The following NPAS3 variants were observed in gnomAD, a reference collection of about 807,000 sequenced individuals.
NPAS3 encodes neuronal PAS domain protein 3, also known as neuronal PAS domain-containing protein 3.
A neutral mutation model predicts 73.1 loss-of-function variants in NPAS3; 14 were observed. The observed-to-expected ratio is 0.19, with a 90% CI of 0.13 to 0.30. The LOEUF (loss-of-function observed/expected upper bound fraction) is 0.30, where lower values mean the gene tolerates loss of function less well. Ranked by LOEUF, NPAS3 falls within the 10% of genes least tolerant of loss-of-function variation. NPAS3 has a pLI of 1.00. For missense variants in NPAS3, 1,096 were observed against 1,250.0 expected (o/e 0.88, Z 1.86); for synonymous variants, 620 against 541.5 (o/e 1.14, Z -2.01).
At chr14:33,568,999 A>G (rs1314816479) in intron 5 of NPAS3, among the ~76,000 whole-genome samples, 4 of 152,214 alleles carry the variant, frequency 2.6e-5, no homozygotes, top group Non-Finnish European at 5.9e-5. Flanking sequence ...TTGTGTGAAT[A>G]TGTGTTTATT....
At chr14:33,139,240 T>TC (rs1267166425) in intron 2 of NPAS3, among the ~76,000 whole-genome samples, 2 of 152,204 alleles carry the variant, frequency 1.3e-5, no homozygotes, top group Non-Finnish European at 2.9e-5. Context: ...TTGAGACTGT[T>TC]CACATGTTAC....
chr14:33,644,593 CATACA>C (rs2058769073), intron 5 of NPAS3, among the ~76,000 whole-genome samples: 1 of 152,110 alleles, frequency 6.6e-6, no homozygotes, highest in Non-Finnish European at 1.5e-5. Flanking sequence ...ATCTTTATTT[CATACA>C]TGAGGACACT....
At chr14:33,298,767 G>T (rs577437164) in intron 3 of NPAS3, among the ~76,000 whole-genome samples, 1 of 152,074 alleles carries the variant, frequency 6.6e-6, no homozygotes, top group East Asian at 1.9e-4. Context: ...TCTTTTCCAC[G>T]TAAATAACAA....
chr14:33,582,134 A>G (rs1054166798), intron 5 of NPAS3: 10 of 152,370 alleles, frequency 6.6e-5, no homozygotes, highest in Non-Finnish European at 1.3e-4. Context: ...AGGGATTGTC[A>G]TACATTTGGA....
intron 4 of NPAS3, among the ~76,000 whole-genome samples, chr14:33,492,163 C>A (rs2051929788): frequency 6.6e-6 from 1 of 152,100 alleles, no homozygotes; most frequent in Admixed American, 6.6e-5. Flanking sequence ...TGTGTAACCC[C>A]ATTAACATTA....
intron 5 of NPAS3, among the ~76,000 whole-genome samples, chr14:33,638,010 G>A (rs1159083100): frequency 3.3e-5 from 5 of 151,996 alleles, no homozygotes; most frequent in Non-Finnish European, 5.9e-5. Context: ...TAGGGTTAGC[G>A]GATTATTTGA....
At chr14:33,023,049 C>T (rs986029577) in intron 1 of NPAS3, among the ~76,000 whole-genome samples, 4 of 152,034 alleles carry the variant, frequency 2.6e-5, no homozygotes, top group Middle Eastern at 3.4e-3. Flanking sequence ...GACATCTGTA[C>T]TCTTCTAAGC....
intron 2 of NPAS3, among the ~76,000 whole-genome samples, chr14:33,108,531 T>C (rs897556009): frequency 3.9e-5 from 6 of 152,182 alleles, no homozygotes; most frequent in Non-Finnish European, 7.3e-5. Flanking sequence ...AAATGAACTA[T>C]TGAATTATGA....
At chr14:32,969,335 G>A (rs2037324432) in intron 1 of NPAS3, among the ~76,000 whole-genome samples, 1 of 152,148 alleles carries the variant, frequency 6.6e-6, no homozygotes, top group African/African-American at 2.4e-5. Context: ...TGCGGTGTGG[G>A]TGGGGAGTGG....
rs59212032 is a variant in NPAS3 at position 33,335,043 on chromosome 14, CGT to C, written c.386-32116_386-32115del. ...AGTGGTATTCCATTGTGTGTGTGTG[CGT>C]GTGTGTGTGTGTGTGTGTGTGTGTG... is the stretch of plus-strand genomic sequence containing the variant. On this transcript the variant is annotated intron_variant, in intron 3 of 11. Transcript: ENST00000356141. Among the ~76,000 whole-genome samples the C allele has an allele frequency of 2.0e-3, 287 of 147,016 alleles. 1 individual carries two copies. The highest frequency in any genetic ancestry group is 6.9e-3 in the Middle Eastern group (2 of 288).
intron 3 of NPAS3, among the ~76,000 whole-genome samples, chr14:33,215,778 G>A (rs2047201867): frequency 6.6e-6 from 1 of 152,120 alleles, no homozygotes; most frequent in African/African-American, 2.4e-5. Flanking sequence ...ATTTGTTAAA[G>A]CATAGAGCTG....
At chr14:33,769,750 TTTTTTC>T (rs2062583410) in intron 7 of NPAS3, among the ~76,000 whole-genome samples, 8 of 127,000 alleles carry the variant, frequency 6.3e-5, no homozygotes, top group South Asian at 5.1e-4. Context: ...CTTGGATTTT[TTTTTTC>T]TTTTTTTTTT....
chr14:33,777,562 A>T (rs1157114234), intron 8 of NPAS3, among the ~76,000 whole-genome samples: 2 of 105,138 alleles, frequency 1.9e-5, no homozygotes, highest in Non-Finnish European at 4.2e-5. Context: ...GTAAGTCATA[A>T]AAAAAAAAAA....
At chr14:33,402,863 A>G (rs749756204) in intron 4 of NPAS3, among the ~76,000 whole-genome samples, 2 of 152,152 alleles carry the variant, frequency 1.3e-5, no homozygotes, top group African/African-American at 2.4e-5. Context: ...GACAAGGACT[A>G]CTAAGCATTT....
intron 6 of NPAS3, among the ~76,000 whole-genome samples, chr14:33,699,785 A>C (rs1218560342): frequency 6.6e-6 from 1 of 152,166 alleles, no homozygotes; most frequent in Non-Finnish European, 1.5e-5. Flanking sequence ...TGCAAGCAGC[A>C]GCTGAGCAGT....
At chr14:33,323,790 T>G (rs760243886) in intron 3 of NPAS3, among the ~76,000 whole-genome samples, 2 of 152,246 alleles carry the variant, frequency 1.3e-5, no homozygotes, top group Non-Finnish European at 2.9e-5. Flanking sequence ...CATCATTTAG[T>G]AAAATTAAAA....
At chr14:33,125,039 A>G (rs2043375035) in intron 2 of NPAS3, among the ~76,000 whole-genome samples, 1 of 152,092 alleles carries the variant, frequency 6.6e-6, no homozygotes, top group African/African-American at 2.4e-5. Context: ...GAAAGTACTT[A>G]AAGGATGGAG....
intron 4 of NPAS3, among the ~76,000 whole-genome samples, chr14:33,458,579 A>C (rs1422295493): frequency 6.6e-6 from 1 of 152,232 alleles, no homozygotes; most frequent in African/African-American, 2.4e-5. Flanking sequence ...TAACATTAGC[A>C]TGTTAATTGT....
intron 4 of NPAS3, among the ~76,000 whole-genome samples, chr14:33,368,486 T>C (rs1191579674): frequency 3.3e-5 from 5 of 152,040 alleles, no homozygotes; most frequent in Non-Finnish European, 7.4e-5. Context: ...GAATTTGTGG[T>C]TTTTAACAGT....
Sources: allele counts gnomAD v4.1 joint callset (sites outside exome capture counted in the v4.1 genomes callset), GRCh38; gene constraint gnomAD v4.1.1; transcripts MANE v1.5; gene names NCBI Gene and HGNC (gene_info 2026-07-23, HGNC 2026-07-21).